Variants in NCAPH observed in about 807,000 individuals in gnomAD.
NCAPH encodes the protein non-SMC condensin I complex subunit H, also known as condensin complex subunit 2.
A neutral mutation model predicts 85.5 loss-of-function variants in NCAPH; 38 were observed. The observed-to-expected ratio is 0.44, with a 90% confidence interval of 0.34 to 0.58. The LOEUF (loss-of-function observed/expected upper bound fraction) is 0.58, where lower values mean the gene tolerates loss of function less well. NCAPH is among the 20% of genes least tolerant of loss of function. The pLI, the probability that NCAPH is intolerant of heterozygous loss-of-function variation, is 0.01. For missense variants in NCAPH, 789 were observed against 916.6 expected (o/e 0.86, Z 1.80); for synonymous variants, 301 against 335.1 (o/e 0.90, Z 1.11).
intron 15 of NCAPH, among the ~76,000 whole-genome samples, chr2:96,368,768 G>A (rs1372638642): frequency 6.6e-6 from 1 of 152,202 alleles, no homozygotes; most frequent in African/African-American, 2.4e-5. Flanking sequence ...GATGCTGGCT[G>A]TTGACATCCA....
intron 5 of NCAPH, among the ~76,000 whole-genome samples, chr2:96,343,607 C>G (rs1002192306): frequency 6.6e-6 from 1 of 152,020 alleles, no homozygotes; most frequent in Non-Finnish European, 1.5e-5. Context: ...CGTGAGAAGC[C>G]AAATCTAATA....
intron 7 of NCAPH, 141 bp downstream of exon 7, chr2:96,352,161 A>G: frequency 1.2e-6 from 1 of 859,268 alleles, no homozygotes; most frequent in South Asian, 1.8e-5. Context: ...CAAATTGTGT[A>G]TCCTTTTGGG....
intron 12 of NCAPH, among the ~76,000 whole-genome samples, chr2:96,361,141 T>G (rs890943975): frequency 6.9e-6 from 1 of 144,932 alleles, no homozygotes; most frequent in African/African-American, 2.5e-5. Context: ...CTCTCCCTCC[T>G]GGGTTCAAGC....
chr2:96,353,197 G>A (rs762757880), intron 7 of NCAPH, 109 bp from the exon 8 acceptor site: 4 of 842,334 alleles, frequency 4.7e-6, no homozygotes, highest in Non-Finnish European at 1.9e-6. Flanking sequence ...AGGACAGTGA[G>A]GTAACTGTGC....
At chr2:96,344,295 G>T in intron 6 of NCAPH, 66 bp downstream of exon 6, 1 of 1,515,948 alleles carries the variant, frequency 6.6e-7, no homozygotes. Context: ...AGACTTGGCA[G>T]GGCTAAGGCT....
intron 12 of NCAPH, among the ~76,000 whole-genome samples, chr2:96,364,142 G>A (rs1407507342): frequency 1.3e-5 from 2 of 152,234 alleles, no homozygotes; most frequent in African/African-American, 4.8e-5. Flanking sequence ...GTGCAACAAG[G>A]TGACTTTCAG....
chr2:96,346,906 G>T (rs1427718005), intron 6 of NCAPH, among the ~76,000 whole-genome samples: 1 of 152,134 alleles, frequency 6.6e-6, no homozygotes, highest in Non-Finnish European at 1.5e-5. Flanking sequence ...TATCAACCAA[G>T]AGACAGTGTA....
At chr2:96,341,995 A>G (rs2064302389) in intron 2 of NCAPH, 55 bp from the exon 3 acceptor site, 1 of 1,604,874 alleles carries the variant, frequency 6.2e-7, no homozygotes, top group Non-Finnish European at 8.5e-7. Context: ...AGGTTTTGAA[A>G]ATTTAAACTA....
intron 1 of NCAPH, among the ~76,000 whole-genome samples, chr2:96,341,044 T>C (rs1306207851): frequency 1.3e-5 from 2 of 152,224 alleles, no homozygotes; most frequent in Non-Finnish European, 2.9e-5. Flanking sequence ...AACTTTCAGA[T>C]TGATTTTTAG....
At chr2:96,336,024 G>C (rs981225200) in intron 1 of NCAPH, among the ~76,000 whole-genome samples, 176 bp downstream of exon 1, 1 of 152,122 alleles carries the variant, frequency 6.6e-6, no homozygotes, top group Admixed American at 6.5e-5. Flanking sequence ...GGCGCGGGGC[G>C]GGCGGACCTT....
At chr2:96,357,039 G>A (rs2064534049) in intron 9 of NCAPH, among the ~76,000 whole-genome samples, 1 of 152,194 alleles carries the variant, frequency 6.6e-6, no homozygotes, top group South Asian at 2.1e-4. Context: ...TTCTCTGGCC[G>A]ACCCTTCTGT....
Position 96,361,822 on chromosome 2 carries a change from ATATATATT to A in NCAPH, c.1587+1114_1587+1121del, listed in dbSNP as rs2064624717. Among the ~76,000 whole-genome samples, 3 of 109,812 alleles carry A rather than the reference ATATATATT, an allele frequency of 2.7e-5. No individual in the cohort carries two copies. The South Asian group carries it at 1.3e-3, about 46-fold the overall frequency. 72.0% of individuals were successfully genotyped at this position (109,812 alleles called of 152,430 possible). Reference sequence around the variant, plus strand: ...TATATATGTGTATATATATATATATATATATATTTTTTTTTTTTTTTCCCTGAATTGAC... The same window carrying A: ...TATATATGTGTATATATATATATATATTTTTTTTTTTTTCCCTGAATTGAC... On this transcript the variant is annotated intron_variant, in intron 12 of 17. Coordinates refer to ENST00000240423, the MANE Select transcript of NCAPH (RefSeq NM_015341.5).
rs553119449 is a variant in NCAPH, at chr2:96,338,779, AG to A, written c.20-2862del. Among the ~76,000 whole-genome samples, 12 of 152,354 alleles carry A rather than the reference AG, an allele frequency of 7.9e-5. No homozygotes were observed. In the South Asian group the frequency reaches 2.5e-3, roughly 32 times the overall value. On this transcript the variant is annotated intron_variant, in intron 1 of 17. Transcript: ENST00000240423. ...ATGAATGTAACCCTCCACAGCTGCA[AG>A]AGAACACATAAACGTGTGGGGGTTT...
At position 96,361,830 on chromosome 2, in the gene NCAPH, T is replaced by TATA. The variant is rs1558800403; in HGVS notation, c.1587+1120_1587+1121insATA. Among the ~76,000 whole-genome samples, 438 of 77,598 alleles carry TATA rather than the reference T, an allele frequency of 5.6e-3. 1 individual carries two copies. Among genetic ancestry groups the TATA allele is most frequent in the African/African-American group, 0.022 (409 of 18,378 alleles). The allele number at this position is 77,598 out of a possible 152,430, so 50.9% of individuals were successfully genotyped here. On this transcript the variant is annotated intron_variant, in intron 12 of 17. Transcript: ENST00000240423. ...TGTATATATATATATATATATATAT[T>TATA]TTTTTTTTTTTTTCCCTGAATTGAC...
intron 14 of NCAPH, 27 bp downstream of exon 14, chr2:96,366,085 A>G: frequency 6.2e-7 from 1 of 1,607,658 alleles, no homozygotes; most frequent in Non-Finnish European, 8.5e-7. Flanking sequence ...TGAGAATTAC[A>G]TTGTTTGCCT....
chr2:96,355,099 G>C (rs1337119022), intron 9 of NCAPH, among the ~76,000 whole-genome samples: 1 of 152,122 alleles, frequency 6.6e-6, no homozygotes, highest in Non-Finnish European at 1.5e-5. Context: ...AGGAGAAGAA[G>C]AAGAATTGGT....
intron 12 of NCAPH, among the ~76,000 whole-genome samples, chr2:96,361,767 T>TATATAC (rs1292474979): frequency 6.5e-5 from 8 of 122,892 alleles, no homozygotes; most frequent in Non-Finnish European, 1.0e-4. Flanking sequence ...TATATATATA[T>TATATAC]ACATATATAT....
At chr2:96,356,159 G>A (rs1266782060) in intron 9 of NCAPH, among the ~76,000 whole-genome samples, 1 of 152,156 alleles carries the variant, frequency 6.6e-6, no homozygotes, top group Non-Finnish European at 1.5e-5. Flanking sequence ...ATTCCAAACA[G>A]CACAAAATCT....
At position 96,374,208 on chromosome 2, in the gene NCAPH, C is replaced by T. The variant is rs2064807972; in HGVS notation, c.*857C>T. 6.6e-6 allele frequency among the ~76,000 whole-genome samples: 1 copy of T among 152,214 alleles called. No individual in the cohort carries two copies. The highest frequency in any genetic ancestry group is 2.1e-4 in the South Asian group (1 of 4,836). On this transcript the variant is annotated 3_prime_UTR_variant, in exon 18 of 18. Coordinates refer to ENST00000240423, the MANE Select transcript of NCAPH (RefSeq NM_015341.5). ...AACTTGCAAAAGGGCAGCCGGCAAA[C>T]TGTCAGGGGTGGCCTGAGCCTGGCA...
Sources: gnomAD v4.1 joint callset for allele counts (sites outside exome capture counted in the v4.1 genomes callset) on GRCh38, gnomAD v4.1.1 for gene constraint, MANE v1.5 for transcripts, NCBI Gene and HGNC (gene_info 2026-07-23, HGNC 2026-07-21) for gene names.